Variants in CRB1 observed in about 807,000 individuals in gnomAD.
CRB1 encodes the protein crumbs cell polarity complex component 1, also known as protein crumbs homolog 1.
CRB1 carries 83 observed loss-of-function variants against 120.0 expected under a neutral mutation model. The ratio of observed to expected loss-of-function variants is 0.69; its 90% CI spans 0.58 to 0.83. The LOEUF (loss-of-function observed/expected upper bound fraction) is 0.83. Ranked by LOEUF, CRB1 falls within the 40% of genes least tolerant of loss-of-function variation. The pLI is 0.00. For synonymous variants in CRB1, 625 were observed against 612.5 expected (o/e 1.02, Z -0.30); for missense variants, 1,699 against 1,687.6 (o/e 1.01, Z -0.12).
intron 2 of CRB1, among the ~76,000 whole-genome samples, chr1:197,340,599 A>T (rs571248270): frequency 2.6e-5 from 4 of 152,264 alleles, no homozygotes; most frequent in African/African-American, 9.6e-5. Flanking sequence ...AGCAATAAGG[A>T]TGGCACCTTA....
At chr1:197,227,287 G>A in the CRB1 span, among the ~76,000 whole-genome samples, 1 of 152,016 alleles carries the variant, frequency 6.6e-6, no homozygotes, top group Non-Finnish European at 1.5e-5. Flanking sequence ...CAGGTATTGT[G>A]TAAGTACAGC....
chr1:197,268,724 T>C (rs1654739480), intron 1 of CRB1, among the ~76,000 whole-genome samples: 1 of 152,184 alleles, frequency 6.6e-6, no homozygotes, highest in African/African-American at 2.4e-5. Flanking sequence ...GTTTTTAACC[T>C]TTGTAGTAGT....
intron 8 of CRB1, among the ~76,000 whole-genome samples, chr1:197,432,395 C>T (rs1664914489): frequency 6.9e-6 from 1 of 144,370 alleles, no homozygotes; most frequent in African/African-American, 2.8e-5. Context: ...CACACACACA[C>T]ACACACACAT....
At chr1:197,245,611 T>C in the CRB1 span, among the ~76,000 whole-genome samples, 1 of 152,152 alleles carries the variant, frequency 6.6e-6, no homozygotes, top group Admixed American at 6.6e-5. Context: ...TTTCTTTTTT[T>C]CCCATTCACC....
chr1:197,347,292 A>G, intron 3 of CRB1, 48 bp from the exon 4 acceptor site: 1 of 1,538,370 alleles, frequency 6.5e-7, no homozygotes, highest in African/African-American at 1.4e-5. Context: ...AAGATATCTG[A>G]TCTCAATATG....
At chr1:197,460,874 A>G (rs544277155) in intron 11 of CRB1, among the ~76,000 whole-genome samples, 3 of 152,266 alleles carry the variant, frequency 2.0e-5, no homozygotes, top group Admixed American at 1.3e-4. Flanking sequence ...CAAGTTTATC[A>G]TGGGACCAAC....
chr1:197,279,464 T>C (rs1264112834), intron 1 of CRB1, among the ~76,000 whole-genome samples: 1 of 151,622 alleles, frequency 6.6e-6, no homozygotes. Flanking sequence ...CTCAAATAAT[T>C]ATAGATGTAA....
At chr1:197,389,945 T>C (rs1257591781) in intron 5 of CRB1, among the ~76,000 whole-genome samples, 1 of 152,078 alleles carries the variant, frequency 6.6e-6, no homozygotes, top group East Asian at 1.9e-4. Context: ...ATGTGAGATC[T>C]GCCACAGCTT....
At chr1:197,204,225 C>A in the CRB1 span, among the ~76,000 whole-genome samples, 121 of 152,328 alleles carry the variant, frequency 7.9e-4, 3 homozygotes, top group South Asian at 0.024. Flanking sequence ...CATATTTTTG[C>A]AATTGCAAAT....
intron 11 of CRB1, among the ~76,000 whole-genome samples, chr1:197,464,322 G>C (rs1337485859): frequency 6.6e-6 from 1 of 152,142 alleles, no homozygotes; most frequent in African/African-American, 2.4e-5. Context: ...TTGGAGAATT[G>C]GCATCAATCC....
Position 197,415,893 on chromosome 1 carries a change from C to T in CRB1, c.1172-5107C>T, listed in dbSNP as rs577465490. ...TCCTGATCTCGTGATCCGCCCACCT[C>T]GGCTTCCCAAGGTTCTGGCATTACA... is the stretch of plus-strand genomic sequence containing the variant. On this transcript the variant is annotated intron_variant, in intron 5 of 11. Coordinates refer to ENST00000367400, the MANE Select transcript of CRB1 (RefSeq NM_201253.3). 3.3e-5 allele frequency among the ~76,000 whole-genome samples: 5 copies of T among 152,214 alleles called. No homozygotes were observed. The East Asian group carries it at 7.7e-4, about 24-fold the overall frequency.
chr1:197,236,760 G>A, the CRB1 span, among the ~76,000 whole-genome samples: 1 of 152,068 alleles, frequency 6.6e-6, no homozygotes, highest in Non-Finnish European at 1.5e-5. Context: ...GGGTTTTTCT[G>A]CATTTAACAA....
the CRB1 span, among the ~76,000 whole-genome samples, chr1:197,242,869 C>A: frequency 6.6e-6 from 1 of 152,008 alleles, no homozygotes; most frequent in Non-Finnish European, 1.5e-5. Context: ...TTGGTCTATT[C>A]GGGGATTCAA....
At chr1:197,338,248 A>G (rs1004731279) in intron 2 of CRB1, among the ~76,000 whole-genome samples, 1 of 151,784 alleles carries the variant, frequency 6.6e-6, no homozygotes, top group Admixed American at 6.6e-5. Context: ...GTGTAGGGGG[A>G]AAGTCATTCG....
At chr1:197,352,748 C>A (rs545208827) in intron 4 of CRB1, among the ~76,000 whole-genome samples, 1 of 150,804 alleles carries the variant, frequency 6.6e-6, no homozygotes, top group Admixed American at 6.6e-5. Context: ...TGAGAAAGGC[C>A]CCAAGGGTCT....
At chr1:197,400,716 C>T (rs1663023416) in intron 5 of CRB1, among the ~76,000 whole-genome samples, 1 of 152,110 alleles carries the variant, frequency 6.6e-6, no homozygotes, top group African/African-American at 2.4e-5. Flanking sequence ...AGGTTTCTCA[C>T]TCAGATACTA....
the CRB1 span, among the ~76,000 whole-genome samples, chr1:197,232,092 A>G: frequency 6.6e-6 from 1 of 152,150 alleles, no homozygotes; most frequent in East Asian, 1.9e-4. Flanking sequence ...TGACAATGGA[A>G]GTAGGGGTTG....
At chr1:197,395,964 A>G (rs1304826261) in intron 5 of CRB1, among the ~76,000 whole-genome samples, 1 of 152,174 alleles carries the variant, frequency 6.6e-6, no homozygotes, top group Non-Finnish European at 1.5e-5. Flanking sequence ...TACCACTTCT[A>G]TTCTACATTG....
chr1:197,227,967 T>G, the CRB1 span, among the ~76,000 whole-genome samples: 1 of 152,170 alleles, frequency 6.6e-6, no homozygotes, highest in Non-Finnish European at 1.5e-5. Context: ...GCTTACGTCC[T>G]CTGAAACCAT....
Sources: gnomAD v4.1 joint callset for allele counts (sites outside exome capture counted in the v4.1 genomes callset) on GRCh38, gnomAD v4.1.1 for gene constraint, MANE v1.5 for transcripts, NCBI Gene and HGNC (gene_info 2026-07-23, HGNC 2026-07-21) for gene names.